DEPTOR: variants seen among roughly 807,000 people sequenced by gnomAD.
DEPTOR encodes the protein DEP domain-containing mTOR-interacting protein.
Under a neutral mutation model 41.6 loss-of-function variants are expected in DEPTOR, and 41 were observed. The ratio of observed to expected loss-of-function variants is 0.98; its 90% confidence interval spans 0.77 to 1.28. The LOEUF (loss-of-function observed/expected upper bound fraction) is 1.28, where lower values mean the gene tolerates loss of function less well. DEPTOR is among the 50% of genes most tolerant of loss of function. DEPTOR has a pLI of 0.00. For synonymous variants in DEPTOR, 195 were observed against 192.3 expected (o/e 1.01, Z -0.12); for missense variants, 514 against 527.9 (o/e 0.97, Z 0.26).
intron 5 of DEPTOR, among the ~76,000 whole-genome samples, chr8:120,002,238 C>T (rs56035307): frequency 0.15 from 23,054 of 152,004 alleles, 2,840 homozygotes; most frequent in African/African-American, 0.33. Flanking sequence ...CTCCCGGGTT[C>T]AAGAGACTCT....
At chr8:119,980,283 T>G (rs2875929) in intron 4 of DEPTOR, among the ~76,000 whole-genome samples, 97,064 of 151,760 alleles carry the variant, frequency 0.64, 31,180 homozygotes, top group Middle Eastern at 0.77. Flanking sequence ...CTACTTTACA[T>G]TTTGTTATAC....
At chr8:119,876,619 C>G (rs895160202) in intron 1 of DEPTOR, among the ~76,000 whole-genome samples, 11 of 148,648 alleles carry the variant, frequency 7.4e-5, no homozygotes, top group Middle Eastern at 3.4e-3. Context: ...GCCTGGGCAA[C>G]AGAGTGAGCC....
chr8:119,942,926 GTAGTC>G (rs1272398307), intron 3 of DEPTOR, among the ~76,000 whole-genome samples: 1 of 152,240 alleles, frequency 6.6e-6, no homozygotes, highest in Non-Finnish European at 1.5e-5. Context: ...TGCAATGCAT[GTAGTC>G]TAAAGTATCC....
intron 6 of DEPTOR, among the ~76,000 whole-genome samples, chr8:120,006,379 C>G (rs1812437788): frequency 6.6e-6 from 1 of 151,968 alleles, no homozygotes; most frequent in African/African-American, 2.4e-5. Flanking sequence ...CAAAAATTAG[C>G]CAGATATGGT....
chr8:120,037,432 A>G (rs1047380701), intron 8 of DEPTOR, among the ~76,000 whole-genome samples: 1 of 152,226 alleles, frequency 6.6e-6, no homozygotes, highest in African/African-American at 2.4e-5. Flanking sequence ...GTGAACTGCT[A>G]GGAATGTGAG....
chr8:119,953,527 G>T (rs182127471), intron 3 of DEPTOR, among the ~76,000 whole-genome samples: 1 of 151,406 alleles, frequency 6.6e-6, no homozygotes, highest in Admixed American at 6.6e-5. Flanking sequence ...GGAGGTGGAG[G>T]TTGCAGTAAG....
chr8:119,970,668 C>G (rs1440151339), intron 4 of DEPTOR, among the ~76,000 whole-genome samples: 2 of 152,088 alleles, frequency 1.3e-5, no homozygotes, highest in African/African-American at 4.8e-5. Flanking sequence ...TATGAACATC[C>G]ACAAGTTCAG....
chr8:119,977,672 A>G (rs1175528406), intron 4 of DEPTOR, among the ~76,000 whole-genome samples: 1 of 152,234 alleles, frequency 6.6e-6, no homozygotes, highest in African/African-American at 2.4e-5. Context: ...TTGGCACACA[A>G]TAAAGTATTG....
At chr8:119,941,853 G>A (rs1453439234) in intron 3 of DEPTOR, among the ~76,000 whole-genome samples, 2 of 152,134 alleles carry the variant, frequency 1.3e-5, no homozygotes, top group Non-Finnish European at 2.9e-5. Context: ...TCCAGCTCTA[G>A]GACCCATGAT....
At chr8:120,037,289 A>G (rs1812993335) in intron 8 of DEPTOR, among the ~76,000 whole-genome samples, 1 of 152,248 alleles carries the variant, frequency 6.6e-6, no homozygotes, top group South Asian at 2.1e-4. Context: ...TGAGTAAATT[A>G]TAACTCAGAG....
chr8:119,994,101 C>T (rs1181044918), intron 4 of DEPTOR, among the ~76,000 whole-genome samples: 2 of 151,038 alleles, frequency 1.3e-5, no homozygotes, highest in African/African-American at 4.9e-5. Flanking sequence ...CGCACCATTG[C>T]ACTCCAGCCT....
chr8:119,902,118 T>G (rs1389546809), intron 1 of DEPTOR, among the ~76,000 whole-genome samples: 2 of 152,160 alleles, frequency 1.3e-5, no homozygotes, highest in African/African-American at 4.8e-5. Context: ...ACCTGAGTGA[T>G]TATGTTGATT....
At chr8:119,997,374 A>G (rs1812282591) in intron 4 of DEPTOR, among the ~76,000 whole-genome samples, 2 of 152,288 alleles carry the variant, frequency 1.3e-5, no homozygotes, top group African/African-American at 2.4e-5. Context: ...AGCTGGGACT[A>G]TAGGCATGCT....
intron 1 of DEPTOR, among the ~76,000 whole-genome samples, chr8:119,917,171 A>G (rs527881174): frequency 3.9e-5 from 6 of 152,214 alleles, no homozygotes; most frequent in Non-Finnish European, 8.8e-5. Context: ...AGAGCTACAC[A>G]TTATTAGAGT....
intron 8 of DEPTOR, among the ~76,000 whole-genome samples, chr8:120,018,794 C>T (rs908703961): frequency 6.6e-6 from 1 of 152,106 alleles, no homozygotes; most frequent in Non-Finnish European, 1.5e-5. Flanking sequence ...CCTGAGATGG[C>T]AGCTTCTCAG....
At chr8:119,965,734 T>A (rs1039247938) in intron 4 of DEPTOR, among the ~76,000 whole-genome samples, 28 of 152,182 alleles carry the variant, frequency 1.8e-4, no homozygotes, top group African/African-American at 6.3e-4. Flanking sequence ...CAACTTTGTA[T>A]CTAACTGGCT....
At chr8:120,016,183 A>C (rs1001371780) in intron 8 of DEPTOR, among the ~76,000 whole-genome samples, 6 of 152,226 alleles carry the variant, frequency 3.9e-5, no homozygotes, top group African/African-American at 1.4e-4. Context: ...GTCTCTGCTT[A>C]TAAAGGCACT....
At position 119,873,845 on chromosome 8, in the gene DEPTOR, C is replaced by G. The variant is rs761862480; in HGVS notation, c.-2C>G. The G allele has an allele frequency of 1.2e-6, 2 of 1,612,858 alleles. No individual in the cohort carries two copies. On this transcript the variant is annotated 5_prime_UTR_variant, in exon 1 of 9. Transcript: ENST00000286234. ...CAGTGGTAGCCGCACGGCCCTAAAA[C>G]CATGGAGGAGGGCGGCAGCACTGGC...
chr8:119,914,977 A>AT (rs1020082726), intron 1 of DEPTOR, among the ~76,000 whole-genome samples: 4 of 151,296 alleles, frequency 2.6e-5, no homozygotes, highest in South Asian at 2.1e-4. Flanking sequence ...CAATATTATT[A>AT]TTTTTTTTGA....
Sources: allele counts gnomAD v4.1 joint callset (sites outside exome capture counted in the v4.1 genomes callset), GRCh38; gene constraint gnomAD v4.1.1; transcripts MANE v1.5; gene names NCBI Gene and HGNC (gene_info 2026-07-23, HGNC 2026-07-21).